Variants in B3GALT1 observed in about 807,000 individuals in gnomAD.
B3GALT1 encodes UDP-Gal:betaGlcNAc beta 1,3-galactosyltransferase, polypeptide 1.
B3GALT1 carries 10 observed loss-of-function variants against 23.2 expected under a neutral mutation model. The ratio of observed to expected loss-of-function variants is 0.43; its 90% CI spans 0.27 to 0.73. The LOEUF is 0.73. Among genes scored for constraint, B3GALT1 ranks in the 30% least tolerant of loss-of-function variants. B3GALT1 has a pLI of 0.21. For synonymous variants in B3GALT1, 156 were observed against 141.5 expected (o/e 1.10, Z -0.73); for missense variants, 299 against 405.4 (o/e 0.74, Z 2.25).
Position 167,381,609 on chromosome 2 carries a change from T to C in B3GALT1, c.-511+88275T>C, listed in dbSNP as rs568056871. On this transcript the variant is annotated intron_variant, in intron 1 of 4. Transcript: ENST00000392690. ...GGTTAAGGGCCAATGATCTAAGTGA[T>C]ACCTAAATGCTGTATTATACTTCAG... is the stretch of plus-strand genomic sequence containing the variant. Among the ~76,000 whole-genome samples, 57 of 152,328 alleles carry C rather than the reference T, an allele frequency of 3.7e-4. 1 individual carries two copies. Among genetic ancestry groups the C allele is most frequent in the African/African-American group, 1.3e-3 (54 of 41,580 alleles).
intron 1 of B3GALT1, among the ~76,000 whole-genome samples, chr2:167,407,461 A>G (rs1698302619): frequency 6.6e-6 from 1 of 152,120 alleles, no homozygotes; most frequent in African/African-American, 2.4e-5. Context: ...CCCAGCCTAT[A>G]ATTAGTAGTA....
rs536468143 is a variant in B3GALT1, at chr2:167,746,585, A to G, written c.-351-72087A>G. Among the ~76,000 whole-genome samples, 5 of 152,376 alleles carry G rather than the reference A, an allele frequency of 3.3e-5. No individual in the cohort carries two copies. In the South Asian group the frequency reaches 1.0e-3, roughly 32 times the overall value. On this transcript the variant is annotated intron_variant, in intron 3 of 4. Coordinates refer to ENST00000392690, the MANE Select transcript of B3GALT1 (RefSeq NM_020981.4). ...TTTATTTTATTGACTTGCTTCAGAA[A>G]TATGTGACAATGGAGCCGCTGTCCC...
At chr2:167,692,374 ATGGCCTT>A (rs1686728634) in intron 3 of B3GALT1, among the ~76,000 whole-genome samples, 1 of 152,072 alleles carries the variant, frequency 6.6e-6, no homozygotes, top group Admixed American at 6.6e-5. Context: ...TTTCTATTCC[ATGGCCTT>A]TGGGGTAATT....
chr2:167,464,705 A>G (rs1699318422), intron 1 of B3GALT1, among the ~76,000 whole-genome samples: 1 of 152,200 alleles, frequency 6.6e-6, no homozygotes, highest in South Asian at 2.1e-4. Context: ...CAAATCTTTC[A>G]TATGGATATG....
intron 3 of B3GALT1, among the ~76,000 whole-genome samples, chr2:167,720,643 C>T (rs554560373): frequency 6.6e-6 from 1 of 152,354 alleles, no homozygotes; most frequent in Admixed American, 6.5e-5. Flanking sequence ...CGTTCATCTA[C>T]TCAGTGTCAT....
intron 1 of B3GALT1, among the ~76,000 whole-genome samples, chr2:167,359,458 T>C (rs987612668): frequency 3.9e-5 from 6 of 152,232 alleles, no homozygotes; most frequent in African/African-American, 1.2e-4. Flanking sequence ...TTTATAAATG[T>C]CCCTTCCGGA....
intron 1 of B3GALT1, among the ~76,000 whole-genome samples, chr2:167,463,798 A>G (rs972676092): frequency 7.2e-5 from 11 of 152,218 alleles, no homozygotes; most frequent in African/African-American, 2.7e-4. Flanking sequence ...AGTAATATAG[A>G]CATTTGATTT....
chr2:167,868,608 T>C (rs1690280377), intron 4 of B3GALT1, among the ~76,000 whole-genome samples: 1 of 152,100 alleles, frequency 6.6e-6, no homozygotes, highest in Non-Finnish European at 1.5e-5. Context: ...CTTAATTGGG[T>C]ATTAATATAC....
intron 2 of B3GALT1, among the ~76,000 whole-genome samples, chr2:167,587,703 A>G (rs374641602): frequency 1.8e-4 from 27 of 152,278 alleles, no homozygotes; most frequent in Admixed American, 4.6e-4. Flanking sequence ...CTGAGTTTGT[A>G]TTTTCTTCAC....
At chr2:167,514,260 G>A (rs991159) in intron 2 of B3GALT1, among the ~76,000 whole-genome samples, 7,067 of 152,176 alleles carry the variant, frequency 0.046, 548 homozygotes, top group African/African-American at 0.16. Flanking sequence ...ATTTTACAAG[G>A]TACTTTTTAA....
At chr2:167,833,050 G>A (rs1689383836) in intron 4 of B3GALT1, among the ~76,000 whole-genome samples, 1 of 152,180 alleles carries the variant, frequency 6.6e-6, no homozygotes, top group Non-Finnish European at 1.5e-5. Context: ...AGTGTGATTG[G>A]TTTCTTAAGG....
intron 2 of B3GALT1, among the ~76,000 whole-genome samples, chr2:167,567,160 G>A (rs545574923): frequency 1.3e-5 from 2 of 152,222 alleles, no homozygotes; most frequent in South Asian, 4.1e-4. Flanking sequence ...TCTTGAAGCT[G>A]AGGAGAGTGT....
intron 3 of B3GALT1, among the ~76,000 whole-genome samples, chr2:167,744,325 A>C (rs866804638): frequency 4.6e-5 from 7 of 152,190 alleles, no homozygotes; most frequent in South Asian, 2.1e-4. Flanking sequence ...CTTTCATTAT[A>C]ATAAGAGATT....
At chr2:167,339,557 G>T (rs145669544) in intron 1 of B3GALT1, among the ~76,000 whole-genome samples, 7 of 152,142 alleles carry the variant, frequency 4.6e-5, no homozygotes, top group African/African-American at 1.7e-4. Flanking sequence ...ATTAAGTTGG[G>T]GAACTGGTTG....
rs555752594 is a variant in B3GALT1, at chr2:167,417,940, T to C, written c.-510-72237T>C. Among the ~76,000 whole-genome samples the C allele has an allele frequency of 1.4e-4, 22 of 152,352 alleles. No homozygotes were observed. The South Asian group carries it at 4.6e-3, about 32-fold the overall frequency. ...AATCAGTTGAATATTGCAATAGTAG[T>C]TCCTAACTCTTTTATATTAAGTACT... On this transcript the variant is annotated intron_variant, in intron 1 of 4. Transcript: ENST00000392690.
chr2:167,710,325 C>T (rs1312804263), intron 3 of B3GALT1, among the ~76,000 whole-genome samples: 1 of 152,028 alleles, frequency 6.6e-6, no homozygotes, highest in Non-Finnish European at 1.5e-5. Flanking sequence ...TAGAATAGAC[C>T]CAGTAGGGTG....
At chr2:167,704,919 A>G (rs1170852568) in intron 3 of B3GALT1, among the ~76,000 whole-genome samples, 1 of 152,044 alleles carries the variant, frequency 6.6e-6, no homozygotes. Context: ...TATCATCACT[A>G]TGATAAAATA....
chr2:167,332,171 G>T (rs1414121994), intron 1 of B3GALT1, among the ~76,000 whole-genome samples: 1 of 152,112 alleles, frequency 6.6e-6, no homozygotes, highest in African/African-American at 2.4e-5. Context: ...ACCTCCCATG[G>T]CTAGGATTAT....
At chr2:167,755,088 G>T (rs1687796072) in intron 3 of B3GALT1, among the ~76,000 whole-genome samples, 1 of 152,170 alleles carries the variant, frequency 6.6e-6, no homozygotes, top group East Asian at 1.9e-4. Flanking sequence ...GTTTCAAACA[G>T]ATTCTGTCCC....
Sources: gnomAD v4.1 joint callset for allele counts (sites outside exome capture counted in the v4.1 genomes callset) on GRCh38, gnomAD v4.1.1 for gene constraint, MANE v1.5 for transcripts, NCBI Gene and HGNC (gene_info 2026-07-23, HGNC 2026-07-21) for gene names.